Variants in DEAF1 observed in about 807,000 individuals in gnomAD.
The protein encoded by DEAF1 is deformed epidermal autoregulatory factor 1 homolog.
Under a neutral mutation model 58.9 loss-of-function variants are expected in DEAF1, and 53 were observed. The ratio of observed to expected loss-of-function variants is 0.90; its 90% CI spans 0.72 to 1.13. DEAF1 has a LOEUF of 1.13. Ranked by LOEUF, DEAF1 falls within the 50% of genes most tolerant of loss-of-function variation. The pLI is 0.00. For missense variants in DEAF1, 685 were observed against 791.4 expected (o/e 0.87, Z 1.61); for synonymous variants, 385 against 340.4 (o/e 1.13, Z -1.44).
intron 7 of DEAF1, 73 bp from the exon 8 acceptor site, chr11:679,889 G>A (rs1368118590): frequency 4.9e-5 from 78 of 1,596,794 alleles, no homozygotes; most frequent in Non-Finnish European, 4.8e-5. Context: ...TGCCACCCAC[G>A]GGCGCCAATC....
intron 11 of DEAF1, among the ~76,000 whole-genome samples, chr11:645,124 C>T (rs1858424866): frequency 1.4e-5 from 2 of 144,102 alleles, no homozygotes; most frequent in African/African-American, 5.2e-5. Context: ...GATGGTGCCA[C>T]TGCACTCCAG....
rs1385066314 is a variant in DEAF1, at chr11:688,657, G to A, written c.388-197C>T. 2.6e-5 allele frequency among the ~76,000 whole-genome samples: 4 copies of A among 152,168 alleles called. No individual in the cohort carries two copies. The highest frequency in any genetic ancestry group is 4.4e-5 in the Non-Finnish European group (3 of 68,026). ...AGAGCCAAGAACAAGAACAGACAATGCCGAAGTCTGTGTGGTGCTGAGGAA... is the reference window on the plus strand; with the variant it reads ...AGAGCCAAGAACAAGAACAGACAATACCGAAGTCTGTGTGGTGCTGAGGAA... On this transcript the variant is annotated intron_variant, in intron 2 of 11. Transcript: ENST00000382409. This position sits in a 1 kb window ranked among gnomAD's most constrained non-coding sequence, Gnocchi z 4.3.
Position 644,676 on chromosome 11 carries a change from T to C in DEAF1, c.1594-22A>G. On this transcript the variant is annotated intron_variant, in intron 11 of 11. Transcript: ENST00000382409. The surrounding 1 kb of genome is among the most constrained non-coding windows in gnomAD (Gnocchi z 4.3). ...AGTCCTGGAAGGGAGGACACACCCA[T>C]GTCAGCAGGGTCAGTGGGTGGAGCA... is the stretch of plus-strand genomic sequence containing the variant. 6.3e-7 allele frequency: 1 copy of C among 1,577,974 alleles called. No homozygotes were observed. Among genetic ancestry groups the C allele is most frequent in the Non-Finnish European group, 8.6e-7 (1 of 1,159,150 alleles).
chr11:644,345 G>C lies in DEAF1; in HGVS notation c.*205C>G, dbSNP rs549649928. 12 of 625,048 alleles carry C rather than the reference G, an allele frequency of 1.9e-5. No individual in the cohort carries two copies. The highest frequency in any genetic ancestry group is 3.2e-5 in the Non-Finnish European group (11 of 347,108). The allele number at this position is 625,048 out of a possible 1,614,324, so 38.7% of individuals were successfully genotyped here. On this transcript the variant is annotated 3_prime_UTR_variant, in exon 12 of 12. Transcript: ENST00000382409. The surrounding 1 kb of genome is among the most constrained non-coding windows in gnomAD (Gnocchi z 4.3). ...TCCCAGGGATAAAAAATCTGTCCGC[G>C]AGCGGGCAGGGGGCCCGGGCAGGGG...
intron 10 of DEAF1, among the ~76,000 whole-genome samples, chr11:658,378 G>A (rs970491300): frequency 2.6e-5 from 4 of 152,214 alleles, no homozygotes; most frequent in South Asian, 2.1e-4. Context: ...GCAGTGAGCC[G>A]AGAACGCGCC....
intron 10 of DEAF1, among the ~76,000 whole-genome samples, chr11:666,893 A>G (rs965307818): frequency 1.6e-4 from 24 of 151,390 alleles, no homozygotes; most frequent in African/African-American, 4.4e-4. Flanking sequence ...AAAAAAAAAA[A>G]AAAAGAAAAA....
upstream of DEAF1, chr11:699,152 C>T (rs1306283638): frequency 6.1e-6 from 3 of 495,590 alleles, no homozygotes; most frequent in Non-Finnish European, 1.1e-5. Flanking sequence ...CCACCTGCCT[C>T]TGTCTCGGCC....
At chr11:707,044 C>A (rs919825372) in exon 1 of DEAF1, among the ~76,000 whole-genome samples, 1 of 152,000 alleles carries the variant, frequency 6.6e-6, no homozygotes, top group Non-Finnish European at 1.5e-5. Context: ...CGGACCTCTG[C>A]CCCCACCCAC....
Position 694,808 on chromosome 11 carries a change from G to C in DEAF1, c.240C>G (p.Ala80=). The change falls in exon 1 of 12, where the codon GCC becomes GCG. Residue 80 remains alanine, a synonymous_variant. Coordinates refer to ENST00000382409, the MANE Select transcript of DEAF1 (RefSeq NM_021008.4). ...AAEPGHMDMG[A]EALPGPDEAA... is the part of the protein sequence containing the mutation. ...CCTCGTCGGGGCCGGGCAGGGCCTC[G>C]GCGCCCATGTCCATGTGCCCGGGCT... 1 of 1,413,742 alleles carries C rather than the reference G, an allele frequency of 7.1e-7. No individual in the cohort carries two copies. Among genetic ancestry groups the C allele is most frequent in the Non-Finnish European group, 9.2e-7 (1 of 1,085,108 alleles). 87.6% of individuals were successfully genotyped at this position (1,413,742 alleles called of 1,614,324 possible).
chr11:667,382 A>G (rs1859592301), intron 10 of DEAF1, among the ~76,000 whole-genome samples: 2 of 119,942 alleles, frequency 1.7e-5, no homozygotes, highest in African/African-American at 6.8e-5. Context: ...GAAGGAAGGA[A>G]GGAAGGAGAG....
chr11:694,949 T>TGGCGCG lies in DEAF1; in HGVS notation c.98_99insCGCGCC (p.Ala33_Gly34insAlaPro), dbSNP rs1554946388. Reference sequence around the variant, plus strand: ...GCACCGGCTCCTCCGCCTCGCCTCCTGCCGCGGCCGCGGCCGCCGCCGCCA... The same window carrying TGGCGCG: ...GCACCGGCTCCTCCGCCTCGCCTCCTGGCGCGGCCGCGGCCGCGGCCGCCGCCGCCA... On this transcript the variant is annotated inframe_insertion, in exon 1 of 12. Transcript: ENST00000382409. The TGGCGCG allele has an allele frequency of 4.4e-6, 5 of 1,140,320 alleles. No homozygotes were observed. In the East Asian group the frequency reaches 2.5e-4, roughly 56 times the overall value. 70.6% of individuals were successfully genotyped at this position (1,140,320 alleles called of 1,614,324 possible).
chr11:677,357 G>A (rs1258039679), intron 9 of DEAF1, among the ~76,000 whole-genome samples: 1 of 56,716 alleles, frequency 1.8e-5, no homozygotes. Context: ...AAATTAGCCG[G>A]GCATGGTGGC....
chr11:687,928 T>C lies in DEAF1; in HGVS notation c.647A>G (p.Lys216Arg), dbSNP rs1299181157. 6.2e-7 allele frequency: 1 copy of C among 1,613,994 alleles called. No homozygotes were observed. Among genetic ancestry groups the C allele is most frequent in the Non-Finnish European group, 8.5e-7 (1 of 1,180,040 alleles). The change falls in exon 4 of 12, where the codon AAG becomes AGG. Residue 216 changes from lysine (K) to arginine (R), a missense_variant. Lys to Arg is a conservative substitution (Grantham distance 26). This residue lies in a region of DEAF1 where 132 missense variants were observed against 234.3 expected (regional missense o/e 0.56). Coordinates refer to ENST00000382409, the MANE Select transcript of DEAF1 (RefSeq NM_021008.4). ...RCRNISGTLY[K>R]NRLGSGGRGR... ...GTCCTCACCTGAGCCGAGCCTGTTC[T>C]TGTACAGAGTGCCGCTGATGTTCCG...
chr11:679,847 C>T, intron 7 of DEAF1, 31 bp from the exon 8 acceptor site: 1 of 1,610,646 alleles, frequency 6.2e-7, no homozygotes, highest in Non-Finnish European at 8.5e-7. Context: ...TTCACGCGGC[C>T]AGGCAGTGGC....
chr11:691,132 C>A (rs1287797879), intron 2 of DEAF1, among the ~76,000 whole-genome samples: 2 of 152,248 alleles, frequency 1.3e-5, no homozygotes, highest in African/African-American at 4.8e-5. Flanking sequence ...GAGGGAAACG[C>A]CTTGCTTCTT....
Position 694,819 on chromosome 11 carries a change from C to G in DEAF1, c.229G>C (p.Asp77His). The G allele has an allele frequency of 6.9e-7, 1 of 1,444,038 alleles. No homozygotes were observed. Among genetic ancestry groups the G allele is most frequent in the Non-Finnish European group, 9.1e-7 (1 of 1,100,896 alleles). The allele number at this position is 1,444,038 out of a possible 1,614,324, so 89.5% of individuals were successfully genotyped here. ...CCGGGCAGGGCCTCGGCGCCCATGT[C>G]CATGTGCCCGGGCTCCGCCGCCATC... The part of the protein sequence containing the change: ...AVMAAEPGHM[D>H]MGAEALPGPD... Residue 77 changes from aspartate (D) to histidine (H), a missense_variant, in exon 1 of 12, where the codon GAC becomes CAC. Physicochemically the swap from Asp to His is moderately conservative, Grantham distance 81. This residue lies in a region of DEAF1 where 210 missense variants were observed against 177.3 expected (regional missense o/e 1.18). Coordinates refer to ENST00000382409, the MANE Select transcript of DEAF1 (RefSeq NM_021008.4).
At chr11:704,630 G>A (rs185337383) in intron 1 of DEAF1, 2 of 1,289,348 alleles carry the variant, frequency 1.6e-6, no homozygotes, top group South Asian at 2.5e-5. Flanking sequence ...CTGGAGACCT[G>A]TTGCCTTCAT....
At chr11:645,564 C>T (rs1056953946) in intron 11 of DEAF1, among the ~76,000 whole-genome samples, 2 of 152,168 alleles carry the variant, frequency 1.3e-5, no homozygotes, top group Non-Finnish European at 2.9e-5. Context: ...GGGATCTGCC[C>T]GCCTCGGCCT....
At position 686,966 on chromosome 11, in the gene DEAF1, C is replaced by T. The variant is rs761590763; in HGVS notation, c.696G>A (p.Glu232=). The T allele has an allele frequency of 6.2e-7, 1 of 1,614,216 alleles. No individual in the cohort carries two copies. Among genetic ancestry groups the T allele is most frequent in the Admixed American group, 1.7e-5 (1 of 60,020 alleles). The change falls in exon 5 of 12, where the codon GAG becomes GAA. Residue 232 remains glutamate (E), a synonymous_variant. Coordinates refer to ENST00000382409, the MANE Select transcript of DEAF1 (RefSeq NM_021008.4). ...GGRGRCIKQG[E]NWYSPTEFEA... Reference sequence around the variant, plus strand: ...CAAACTCGGTGGGACTGTACCAGTTCTCCCCCTGCTTGATGCACCGTCCCC... The same window carrying T: ...CAAACTCGGTGGGACTGTACCAGTTTTCCCCCTGCTTGATGCACCGTCCCC...
Sources: gnomAD v4.1 joint callset for allele counts (sites outside exome capture counted in the v4.1 genomes callset) on GRCh38, gnomAD v4.1.1 for gene constraint, gnomAD v4.1.1 regional missense constraint, Gnocchi (gnomAD v3.1) non-coding constraint, MANE v1.5 for transcripts, NCBI Gene and HGNC (gene_info 2026-07-23, HGNC 2026-07-21) for gene names.